The following TMEM181 variants were observed in gnomAD, a reference collection of about 807,000 sequenced individuals.
TMEM181 encodes the protein transmembrane protein 181.
A neutral mutation model predicts 71.9 loss-of-function variants in TMEM181; 39 were observed. The ratio of observed to expected loss-of-function variants is 0.54; its 90% confidence interval spans 0.42 to 0.71. The LOEUF (loss-of-function observed/expected upper bound fraction) is 0.71, where lower values mean the gene tolerates loss of function less well. TMEM181 is among the 30% of genes least tolerant of loss of function. The pLI is 0.00. For synonymous variants in TMEM181, 245 were observed against 228.8 expected, an observed-to-expected ratio of 1.07 and a Z score of -0.64; for missense variants, 595 against 583.0, an observed-to-expected ratio of 1.02 and a Z score of -0.21.
At chr6:158,539,511 C>T (rs2128276753) in intron 1 of TMEM181, among the ~76,000 whole-genome samples, 1 of 152,292 alleles carries the variant, frequency 6.6e-6, no homozygotes, top group South Asian at 2.1e-4. Flanking sequence ...TAAAACGCAC[C>T]AGCTCTTTCC....
At chr6:158,610,738 G>A in intron 10 of TMEM181, 1 of 296,838 alleles carries the variant, frequency 3.4e-6, no homozygotes, top group South Asian at 5.6e-5. Flanking sequence ...AATCACTCAG[G>A]CACTCGGGCT....
At chr6:158,576,248 T>C (rs977266209) in intron 2 of TMEM181, among the ~76,000 whole-genome samples, 2 of 152,208 alleles carry the variant, frequency 1.3e-5, no homozygotes, top group African/African-American at 4.8e-5. Flanking sequence ...TGCAGGCCTA[T>C]AGCAGGCGGC....
At chr6:158,568,403 G>A (rs1242300744) in intron 1 of TMEM181, among the ~76,000 whole-genome samples, 10 of 152,108 alleles carry the variant, frequency 6.6e-5, no homozygotes, top group African/African-American at 2.2e-4. Flanking sequence ...AGCAGCAGGA[G>A]ATGAGCTGGT....
chr6:158,579,575 C>CGA (rs1324965185), intron 2 of TMEM181, among the ~76,000 whole-genome samples: 1 of 151,224 alleles, frequency 6.6e-6, no homozygotes, highest in Non-Finnish European at 1.5e-5. Flanking sequence ...AAAAATTAGC[C>CGA]GAGCATGGTG....
intron 1 of TMEM181, among the ~76,000 whole-genome samples, 193 bp downstream of exon 1, chr6:158,560,425 C>T (rs1466402643): frequency 6.6e-6 from 1 of 151,960 alleles, no homozygotes; most frequent in Non-Finnish European, 1.5e-5. Context: ...GAGAGTAGAC[C>T]GGGGCCGGGG....
intron 1 of TMEM181, among the ~76,000 whole-genome samples, chr6:158,562,140 A>ACT (rs1452797133): frequency 5.9e-5 from 9 of 152,044 alleles, no homozygotes; most frequent in Non-Finnish European, 1.2e-4. Context: ...TGGCCTTATG[A>ACT]CCTCTGACTC....
At chr6:158,536,978 C>T in intron 1 of TMEM181, 1 of 667,622 alleles carries the variant, frequency 1.5e-6, no homozygotes, top group Non-Finnish European at 1.9e-6. Flanking sequence ...CCGCCTCCGC[C>T]GGCCGGGCGC....
At chr6:158,593,440 A>G (rs926695719) in intron 6 of TMEM181, among the ~76,000 whole-genome samples, 2 of 152,220 alleles carry the variant, frequency 1.3e-5, no homozygotes, top group African/African-American at 4.8e-5. Flanking sequence ...CTGAAAAGAA[A>G]ATTATTTGAA....
chr6:158,577,332 C>T (rs866000015), intron 2 of TMEM181, among the ~76,000 whole-genome samples: 1 of 152,082 alleles, frequency 6.6e-6, no homozygotes, highest in African/African-American at 2.4e-5. Flanking sequence ...TAGAGTGATT[C>T]AAAGGCAGAT....
rs535082792 is a variant in TMEM181, at chr6:158,544,964, C to T, written c.131+8099C>T. ...TTATAAGAAATAGCATGCATTTCAA[C>T]GTGAAAATGCCCTGGCAAGACTACC... On this transcript the variant is annotated intron_variant, in intron 1 of 16. Transcript: ENST00000367090. Among the ~76,000 whole-genome samples, 6 of 152,338 alleles carry T rather than the reference C, an allele frequency of 3.9e-5. No individual in the cohort carries two copies. The South Asian group carries it at 1.0e-3, about 26-fold the overall frequency.
chr6:158,605,208 A>G (rs527646358), intron 6 of TMEM181, 59 bp from the exon 7 acceptor site: 1 of 1,317,054 alleles, frequency 7.6e-7, no homozygotes, highest in East Asian at 2.4e-5. Flanking sequence ...AATCTGGTGT[A>G]TTTTCTCTTA....
intron 10 of TMEM181, chr6:158,610,737 G>T (rs928364222): frequency 1.4e-4 from 43 of 296,962 alleles, no homozygotes; most frequent in Non-Finnish European, 2.1e-4. Context: ...GAATCACTCA[G>T]GCACTCGGGC....
chr6:158,611,706 CG>C, intron 10 of TMEM181: 1 of 232,280 alleles, frequency 4.3e-6, no homozygotes, highest in Non-Finnish European at 8.6e-6. Context: ...CGAGGAATGC[CG>C]GGGAGGAATG....
chr6:158,541,059 T>C (rs1781322478), intron 1 of TMEM181, among the ~76,000 whole-genome samples: 2 of 152,148 alleles, frequency 1.3e-5, no homozygotes, highest in Non-Finnish European at 2.9e-5. Context: ...CCTTGAGGAT[T>C]CTAATGTAAT....
At chr6:158,571,136 G>A (rs1782786850) in intron 1 of TMEM181, among the ~76,000 whole-genome samples, 2 of 151,052 alleles carry the variant, frequency 1.3e-5, no homozygotes, top group African/African-American at 2.4e-5. Flanking sequence ...TCGTTCTGTT[G>A]CCCAGGCTGA....
intron 6 of TMEM181, among the ~76,000 whole-genome samples, chr6:158,599,384 C>A (rs767631786): frequency 3.3e-5 from 5 of 152,132 alleles, no homozygotes; most frequent in Non-Finnish European, 7.4e-5. Flanking sequence ...TCTGAAAGGA[C>A]AAAGACAGCA....
intron 2 of TMEM181, among the ~76,000 whole-genome samples, chr6:158,574,038 T>A (rs937132838): frequency 6.6e-6 from 1 of 152,006 alleles, no homozygotes; most frequent in Non-Finnish European, 1.5e-5. Flanking sequence ...TTTCACAAGG[T>A]TCCCAGAGAC....
At chr6:158,570,799 T>C (rs909679183) in intron 1 of TMEM181, among the ~76,000 whole-genome samples, 4 of 152,162 alleles carry the variant, frequency 2.6e-5, no homozygotes, top group African/African-American at 7.2e-5. Flanking sequence ...CTAAAGGCTT[T>C]ATTTGCATTT....
intron 15 of TMEM181, among the ~76,000 whole-genome samples, chr6:158,631,055 G>A (rs1007340862): frequency 4.6e-5 from 7 of 152,224 alleles, no homozygotes; most frequent in African/African-American, 1.4e-4. Flanking sequence ...GAGGCAGCTC[G>A]TGCGTGGGCA....
Sources: allele counts gnomAD v4.1 joint callset (sites outside exome capture counted in the v4.1 genomes callset), GRCh38; gene constraint gnomAD v4.1.1; transcripts MANE v1.5; gene names NCBI Gene and HGNC (gene_info 2026-07-23, HGNC 2026-07-21).